RBFOX1: variants seen among roughly 807,000 people sequenced by gnomAD.
RBFOX1 encodes the protein RNA binding protein fox-1 homolog 1.
Under a neutral mutation model 57.7 loss-of-function variants are expected in RBFOX1, and 8 were observed. That is an observed-to-expected ratio of 0.14 (90% CI 0.08 to 0.25). The LOEUF is 0.25. Ranked by LOEUF, RBFOX1 falls within the 10% of genes least tolerant of loss-of-function variation. The pLI is 1.00. For missense variants in RBFOX1, 611 were observed against 548.5 expected (o/e 1.11, Z -1.14); for synonymous variants, 326 against 222.4 (o/e 1.47, Z -4.15).
At chr16:5,966,777 C>A (rs544037490) in intron 4 of RBFOX1, among the ~76,000 whole-genome samples, 20 of 152,134 alleles carry the variant, frequency 1.3e-4, no homozygotes, top group African/African-American at 4.8e-4. Flanking sequence ...CAGCCCCCAC[C>A]CTTGGCGAAT....
chr16:7,466,224 C>A (rs1348119305), intron 4 of RBFOX1, among the ~76,000 whole-genome samples: 2 of 152,190 alleles, frequency 1.3e-5, no homozygotes, highest in Non-Finnish European at 2.9e-5. Flanking sequence ...TATAGAACAA[C>A]AATCCTTACA....
intron 1 of RBFOX1, among the ~76,000 whole-genome samples, chr16:5,266,610 C>T (rs1465761126): frequency 7.5e-5 from 11 of 146,500 alleles, no homozygotes; most frequent in African/African-American, 2.6e-4. Flanking sequence ...CACAGTGGCA[C>T]GATCATGGCT....
At chr16:7,070,023 A>G (rs2056995290) in intron 4 of RBFOX1, among the ~76,000 whole-genome samples, 1 of 152,180 alleles carries the variant, frequency 6.6e-6, no homozygotes, top group Non-Finnish European at 1.5e-5. Context: ...TCCTTTTGCC[A>G]TCAGTCTTTT....
At chr16:6,610,854 C>T (rs1215720716) in intron 2 of RBFOX1, among the ~76,000 whole-genome samples, 1 of 152,126 alleles carries the variant, frequency 6.6e-6, no homozygotes, top group Non-Finnish European at 1.5e-5. Flanking sequence ...GAATTGACTG[C>T]CAAACTGTTC....
At chr16:7,612,973 G>A (rs981259288) in intron 10 of RBFOX1, among the ~76,000 whole-genome samples, 5 of 152,248 alleles carry the variant, frequency 3.3e-5, no homozygotes, top group Admixed American at 1.3e-4. Flanking sequence ...AGAGCACCCC[G>A]CCTGCAAAGG....
At chr16:7,662,153 C>T (rs1293422791) in intron 12 of RBFOX1, among the ~76,000 whole-genome samples, 1 of 152,234 alleles carries the variant, frequency 6.6e-6, no homozygotes, top group East Asian at 1.9e-4. Context: ...ATCAATTCTT[C>T]TCTCCGTCAT....
chr16:6,740,918 A>G (rs189053040), intron 3 of RBFOX1, among the ~76,000 whole-genome samples: 2 of 152,332 alleles, frequency 1.3e-5, no homozygotes, highest in East Asian at 1.9e-4. Flanking sequence ...TGTTAACACA[A>G]TTTTGAAAAA....
intron 1 of RBFOX1, among the ~76,000 whole-genome samples, chr16:6,248,681 G>A (rs1345155354): frequency 6.6e-6 from 1 of 152,084 alleles, no homozygotes; most frequent in Non-Finnish European, 1.5e-5. Context: ...ATGTGATGGA[G>A]GGGTGATTTG....
chr16:7,348,051 T>C (rs185911022), intron 4 of RBFOX1, among the ~76,000 whole-genome samples: 12 of 152,352 alleles, frequency 7.9e-5, no homozygotes, highest in Non-Finnish European at 1.8e-4. Context: ...TTGCCTCCTT[T>C]GACTTCTGTT....
intron 4 of RBFOX1, among the ~76,000 whole-genome samples, chr16:5,898,112 C>T (rs2152171831): frequency 1.3e-5 from 2 of 152,224 alleles, no homozygotes; most frequent in South Asian, 4.1e-4. Flanking sequence ...TGTCCTTCTT[C>T]ACATGATGGC....
chr16:5,473,362 C>G (rs562716477), intron 2 of RBFOX1, among the ~76,000 whole-genome samples: 1 of 152,270 alleles, frequency 6.6e-6, no homozygotes, highest in South Asian at 2.1e-4. Flanking sequence ...CATTGCTTAT[C>G]ATCATACCTC....
chr16:6,353,852 G>A (rs2086822361), intron 2 of RBFOX1, among the ~76,000 whole-genome samples: 1 of 152,110 alleles, frequency 6.6e-6, no homozygotes. Flanking sequence ...CTGGGCTCTG[G>A]TGTTCTTCCT....
At chr16:7,518,463 G>C (rs2076849892) in intron 5 of RBFOX1, 74 bp downstream of exon 5, 8 of 1,523,172 alleles carry the variant, frequency 5.3e-6, no homozygotes, top group Middle Eastern at 3.5e-4. Flanking sequence ...CAGCGGGGGT[G>C]CACCCCCATC....
chr16:5,546,351 C>A (rs959973722), intron 2 of RBFOX1, among the ~76,000 whole-genome samples: 1 of 151,972 alleles, frequency 6.6e-6, no homozygotes, highest in Non-Finnish European at 1.5e-5. Context: ...CAATGAAAGA[C>A]CAGTAATAAC....
chr16:7,201,842 G>C (rs1177268521), intron 4 of RBFOX1, among the ~76,000 whole-genome samples: 3 of 152,126 alleles, frequency 2.0e-5, no homozygotes, highest in Non-Finnish European at 2.9e-5. Flanking sequence ...AGCTCATTTG[G>C]GCAGTGACTG....
chr16:6,942,137 G>A (rs562593497), intron 3 of RBFOX1, among the ~76,000 whole-genome samples: 31 of 152,148 alleles, frequency 2.0e-4, no homozygotes, highest in African/African-American at 5.6e-4. Context: ...TACTTGGGAG[G>A]CTGAGGCAGG....
intron 1 of RBFOX1, among the ~76,000 whole-genome samples, chr16:5,249,874 G>T (rs574946995): frequency 1.3e-5 from 2 of 152,272 alleles, no homozygotes; most frequent in South Asian, 4.1e-4. Flanking sequence ...CAAGAGAATC[G>T]CTTGAACCCA....
rs528819384 is a variant in RBFOX1 at position 6,866,183 on chromosome 16, C to G, written c.-15-185874C>G. On this transcript the variant is annotated intron_variant, in intron 3 of 15. Transcript: ENST00000550418. ...TATATTATAAAACAGCTTTGCTCAC[C>G]TTATCTCTGGTAGTTCTTTATTACT... is the stretch of plus-strand genomic sequence containing the variant. Among the ~76,000 whole-genome samples, 170 of 151,932 alleles carry G rather than the reference C, an allele frequency of 1.1e-3. 1 individual carries two copies. Among genetic ancestry groups the G allele is most frequent in the Non-Finnish European group, 2.1e-3 (143 of 68,004 alleles).
At chr16:7,304,515 C>G in intron 4 of RBFOX1, 1 of 985,318 alleles carries the variant, frequency 1.0e-6, no homozygotes, top group Non-Finnish European at 1.2e-6. Flanking sequence ...TCGGTGGCTG[C>G]TTTCCTGGGG....
Sources: allele counts gnomAD v4.1 joint callset (sites outside exome capture counted in the v4.1 genomes callset), GRCh38; gene constraint gnomAD v4.1.1; transcripts MANE v1.5; gene names NCBI Gene and HGNC (gene_info 2026-07-23, HGNC 2026-07-21).